The following PBX1 variants were observed in gnomAD, a reference collection of about 807,000 sequenced individuals.
The protein encoded by PBX1 is PBX homeobox 1, also known as pre-B-cell leukemia transcription factor 1.
PBX1 carries 6 observed loss-of-function variants against 53.4 expected under a neutral mutation model. The observed-to-expected ratio is 0.11, with a 90% CI of 0.06 to 0.22. The LOEUF (loss-of-function observed/expected upper bound fraction) is 0.22, where lower values mean the gene tolerates loss of function less well. Among genes scored for constraint, PBX1 ranks in the 10% least tolerant of loss-of-function variants. The pLI, the probability that PBX1 is intolerant of heterozygous loss-of-function variation, is 1.00. For missense variants in PBX1, 251 were observed against 551.4 expected (o/e 0.46, Z 5.46); for synonymous variants, 204 against 212.3 (o/e 0.96, Z 0.34).
At chr1:164,807,483 C>T in intron 4 of PBX1, 59 bp from the exon 5 acceptor site, 5 of 1,562,914 alleles carry the variant, frequency 3.2e-6, no homozygotes, top group African/African-American at 1.4e-5. Flanking sequence ...TTATTCTCTC[C>T]CATTTTATAT....
chr1:164,766,550 T>C lies in PBX1; in HGVS notation c.266-25944T>C, dbSNP rs188530990. On this transcript the variant is annotated intron_variant, in intron 2 of 8. Transcript: ENST00000420696. ...GAGAGAGAAGCAGCAGGACACTTGC[T>C]CATGGTCACACAGCTAGTGAGAAGC... Among the ~76,000 whole-genome samples, 169 of 152,240 alleles carry C rather than the reference T, an allele frequency of 1.1e-3. 2 individuals are homozygous for C. The Middle Eastern group carries it at 0.014, about 12-fold the overall frequency.
chr1:164,820,154 G>A lies in PBX1; in HGVS notation c.1080G>A (p.Gly360=). 6.2e-7 allele frequency: 1 copy of A among 1,613,238 alleles called. No individual in the cohort carries two copies. The highest frequency in any genetic ancestry group is 8.5e-7 in the Non-Finnish European group (1 of 1,179,312). ...CACTCAATGGGGATTCTTACCAAGG[G>A]GCCCAGGTTGGAGCCAACGTGCAAT... The part of the protein sequence containing the change: ...VQSLNGDSYQ[G]AQVGANVQSQ... Residue 360 remains glycine, a synonymous_variant, in exon 7 of 9, where the codon GGG becomes GGA. Coordinates refer to ENST00000420696, the MANE Select transcript of PBX1 (RefSeq NM_002585.4).
intron 2 of PBX1, among the ~76,000 whole-genome samples, chr1:164,675,260 T>C (rs1218106973): frequency 6.6e-6 from 1 of 152,208 alleles, no homozygotes; most frequent in Non-Finnish European, 1.5e-5. Context: ...CTTCTAGATC[T>C]TTATTCTACC....
At chr1:164,822,846 G>A (rs1185483309) in intron 8 of PBX1, among the ~76,000 whole-genome samples, 1 of 152,180 alleles carries the variant, frequency 6.6e-6, no homozygotes, top group East Asian at 1.9e-4. Flanking sequence ...ACATCTGATG[G>A]ACCTTTCTCA....
Position 164,702,759 on chromosome 1 carries a change from C to T in PBX1, c.266-89735C>T, listed in dbSNP as rs778169862. Among the ~76,000 whole-genome samples the T allele has an allele frequency of 1.6e-3, 241 of 152,178 alleles. 1 individual carries two copies. The highest frequency in any genetic ancestry group is 4.3e-3 in the Admixed American group (66 of 15,276). On this transcript the variant is annotated intron_variant, in intron 2 of 8. Coordinates refer to ENST00000420696, the MANE Select transcript of PBX1 (RefSeq NM_002585.4). ...TTGTCTAAAAGGGAAATGCCAGGAC[C>T]GTCCCTTCAGGTCTGTTAAGTGTCT...
At chr1:164,798,893 T>C (rs76935663) in intron 3 of PBX1, among the ~76,000 whole-genome samples, 2,291 of 152,292 alleles carry the variant, frequency 0.015, 49 homozygotes, top group African/African-American at 0.053. Context: ...AATAGGTGGA[T>C]GAGAAATCTC....
chr1:164,872,280 G>A (rs929753539), intron 2 of PBX1, among the ~76,000 whole-genome samples: 4 of 152,178 alleles, frequency 2.6e-5, no homozygotes, highest in African/African-American at 9.7e-5. Context: ...TGTGCGGACA[G>A]CATTCATGGT....
intron 2 of PBX1, among the ~76,000 whole-genome samples, chr1:164,743,716 C>T (rs1259222728): frequency 6.6e-6 from 1 of 151,964 alleles, no homozygotes; most frequent in Non-Finnish European, 1.5e-5. Context: ...ATTAGGGAGC[C>T]AAAGGCCTTT....
chr1:164,732,794 A>AACCTAC (rs1183742352), intron 2 of PBX1, among the ~76,000 whole-genome samples: 1 of 152,072 alleles, frequency 6.6e-6, no homozygotes, highest in Non-Finnish European at 1.5e-5. Context: ...CAACCTAGAG[A>AACCTAC]ACCTACAGAA....
chr1:164,747,334 TAC>T lies in PBX1; in HGVS notation c.266-45148_266-45147del, dbSNP rs1553239765. 1.7e-3 allele frequency among the ~76,000 whole-genome samples: 250 copies of T among 151,014 alleles called. 1 individual carries two copies. The highest frequency in any genetic ancestry group is 6.8e-3 in the Middle Eastern group (2 of 292). On this transcript the variant is annotated intron_variant, in intron 2 of 8. Coordinates refer to ENST00000420696, the MANE Select transcript of PBX1 (RefSeq NM_002585.4). Reference sequence around the variant, plus strand: ...TATGAATCATGTATATATATATATATACACACACACACATATGTATGTATGTA... The same window carrying T: ...TATGAATCATGTATATATATATATATACACACACACATATGTATGTATGTA...
chr1:164,770,518 T>G (rs1475410697), intron 2 of PBX1: 3 of 152,268 alleles, frequency 2.0e-5, no homozygotes, highest in Non-Finnish European at 4.4e-5. Context: ...CATGATGCCT[T>G]AGCTGTTCTG....
intron 2 of PBX1, among the ~76,000 whole-genome samples, chr1:164,882,738 C>T (rs926490300): frequency 3.3e-4 from 50 of 152,202 alleles, no homozygotes; most frequent in African/African-American, 1.2e-3. Context: ...CCATGCCCAG[C>T]CTCTGATGTA....
chr1:164,841,643 TG>T lies in PBX1; in HGVS notation c.1201-4938del, dbSNP rs1413686441. ...TTTCAAAGTGCTGTCTGTGTAATCT[TG>T]GGAAAGTGTTAAGCATATCAGGAAG... On this transcript the variant is annotated intron_variant, in intron 8 of 8. Transcript: ENST00000420696. Among the ~76,000 whole-genome samples, 5 of 152,230 alleles carry T rather than the reference TG, an allele frequency of 3.3e-5. No individual in the cohort carries two copies. The East Asian group carries it at 9.7e-4, about 29-fold the overall frequency.
intron 2 of PBX1, chr1:164,682,234 G>T (rs1360686351): frequency 6.6e-6 from 1 of 152,164 alleles, no homozygotes; most frequent in Non-Finnish European, 1.5e-5. Context: ...ATTCAGACAG[G>T]CCCTTCTGGT....
chr1:164,787,071 A>C (rs901416808), intron 2 of PBX1, among the ~76,000 whole-genome samples: 6 of 152,146 alleles, frequency 3.9e-5, no homozygotes, highest in African/African-American at 1.4e-4. Flanking sequence ...CTTGGGAATG[A>C]GGCGGGGAGA....
intron 2 of PBX1, among the ~76,000 whole-genome samples, chr1:164,588,624 C>T (rs1413563962): frequency 6.6e-6 from 1 of 151,892 alleles, no homozygotes; most frequent in Admixed American, 6.6e-5. Context: ...TTCTTCCTTT[C>T]CCTTGCTCTC....
intron 2 of PBX1, among the ~76,000 whole-genome samples, chr1:164,728,194 G>A (rs1664797753): frequency 6.6e-6 from 1 of 152,066 alleles, no homozygotes; most frequent in South Asian, 2.1e-4. Context: ...ATATGTGCCT[G>A]TAGTTCCAGC....
At chr1:164,596,348 A>T (rs1193534889) in intron 2 of PBX1, among the ~76,000 whole-genome samples, 1 of 152,214 alleles carries the variant, frequency 6.6e-6, no homozygotes, top group African/African-American at 2.4e-5. Flanking sequence ...TTTCTAGTTC[A>T]TCATAGTCCC....
intron 8 of PBX1, among the ~76,000 whole-genome samples, chr1:164,841,179 G>A (rs1376699355): frequency 6.6e-6 from 1 of 152,182 alleles, no homozygotes. Context: ...GAAACAAAAA[G>A]CATGGCCAGG....
Sources: gnomAD v4.1 joint callset for allele counts (sites outside exome capture counted in the v4.1 genomes callset) on GRCh38, gnomAD v4.1.1 for gene constraint, MANE v1.5 for transcripts, NCBI Gene and HGNC (gene_info 2026-07-23, HGNC 2026-07-21) for gene names.